The following SLC10A1 variants were observed in gnomAD, a reference collection of about 807,000 sequenced individuals.
SLC10A1 encodes solute carrier family 10 member 1.
In SLC10A1, 36 loss-of-function variants were observed where a neutral mutation model predicts 20.5. The ratio of observed to expected loss-of-function variants is 1.75; its 90% CI spans 1.34 to 2.32. SLC10A1 has a LOEUF of 2.32. Ranked by LOEUF, SLC10A1 falls within the 30% of genes most tolerant of loss-of-function variation. The pLI, the probability that SLC10A1 is intolerant of heterozygous loss-of-function variation, is 0.00. For missense variants in SLC10A1, 545 were observed against 439.1 expected (o/e 1.24, Z -2.16); for synonymous variants, 188 against 163.6 (o/e 1.15, Z -1.14).
chr14:69,778,244 C>G, intron 4 of SLC10A1, 89 bp downstream of exon 4: 1 of 1,147,148 alleles, frequency 8.7e-7, no homozygotes, highest in Non-Finnish European at 1.2e-6. Context: ...AAGCCCTATC[C>G]AAAAAGTCCC....
intron 3 of SLC10A1, 69 bp from the exon 4 acceptor site, chr14:69,778,598 G>T: frequency 1.5e-6 from 2 of 1,364,608 alleles, no homozygotes; most frequent in Non-Finnish European, 2.0e-6. Flanking sequence ...TCCCAGTGCT[G>T]CTACCAAAGA....
intron 2 of SLC10A1, among the ~76,000 whole-genome samples, chr14:69,784,241 A>G (rs929464844): frequency 5.3e-5 from 8 of 152,220 alleles, no homozygotes; most frequent in African/African-American, 1.9e-4. Context: ...AAAGCAGCAG[A>G]GCTTAGAGTC....
At position 69,779,338 on chromosome 14, in the gene SLC10A1, A is replaced by G; in HGVS notation, c.590T>C (p.Leu197Ser). 4 of 1,612,728 alleles carry G rather than the reference A, an allele frequency of 2.5e-6. No homozygotes were observed. In the South Asian group the frequency reaches 3.3e-5, roughly 13 times the overall value. ...GAGAACTGTGACGGCCACACTGCACAAGAGAATGATGATCATCCCTCCCTG... is the reference window on the plus strand; with the variant it reads ...GAGAACTGTGACGGCCACACTGCACGAGAGAATGATGATCATCCCTCCCTG... ...VIKGGMIIIL[L>S]CSVAVTVLSA... Residue 197 changes from leucine to serine, a missense_variant, in exon 3 of 5, where the codon TTG (leucine) becomes TCG (serine). Leu to Ser is a moderately radical substitution (Grantham distance 145, BLOSUM62 -2). Coordinates refer to ENST00000216540, the MANE Select transcript of SLC10A1 (RefSeq NM_003049.4).
intron 4 of SLC10A1, among the ~76,000 whole-genome samples, chr14:69,777,166 TG>T (rs1883465545): frequency 6.6e-6 from 1 of 152,210 alleles, no homozygotes; most frequent in Non-Finnish European, 1.5e-5. Context: ...GTGCACTTTT[TG>T]TAAGAGGGCA....
chr14:69,788,348 T>G (rs1490975566), intron 1 of SLC10A1, among the ~76,000 whole-genome samples: 1 of 151,884 alleles, frequency 6.6e-6, no homozygotes, highest in Non-Finnish European at 1.5e-5. Flanking sequence ...AGAGGGGACT[T>G]TGGATTAGGC....
At chr14:69,780,172 TAAC>T (rs1447575964) in intron 2 of SLC10A1, among the ~76,000 whole-genome samples, 9 of 152,226 alleles carry the variant, frequency 5.9e-5, no homozygotes, top group Non-Finnish European at 1.0e-4. Flanking sequence ...TCTTGGGTGA[TAAC>T]AACATCATTG....
chr14:69,782,410 C>G (rs1883613295), intron 2 of SLC10A1, among the ~76,000 whole-genome samples: 1 of 152,202 alleles, frequency 6.6e-6, no homozygotes, highest in South Asian at 2.1e-4. Flanking sequence ...TGAAATAATC[C>G]TGGCTCTGCC....
intron 1 of SLC10A1, among the ~76,000 whole-genome samples, chr14:69,793,609 G>A (rs1036030136): frequency 1.3e-5 from 2 of 152,164 alleles, no homozygotes; most frequent in African/African-American, 4.8e-5. Flanking sequence ...TGGGACCCCA[G>A]TGGCTTCCAT....
intron 1 of SLC10A1, among the ~76,000 whole-genome samples, chr14:69,795,023 A>G (rs1161184626): frequency 6.6e-6 from 1 of 152,200 alleles, no homozygotes; most frequent in African/African-American, 2.4e-5. Flanking sequence ...CCACAGAAAC[A>G]CAAAGCCCTC....
intron 2 of SLC10A1, among the ~76,000 whole-genome samples, chr14:69,782,846 TG>T (rs1417978153): frequency 6.6e-6 from 1 of 151,832 alleles, no homozygotes; most frequent in African/African-American, 2.4e-5. Context: ...TTCTGCTTTT[TG>T]CAACCTCAGA....
At chr14:69,778,285 G>A in intron 4 of SLC10A1, 48 bp downstream of exon 4, 5 of 1,482,296 alleles carry the variant, frequency 3.4e-6, no homozygotes, top group Non-Finnish European at 4.6e-6. Context: ...GCAGGCTCAG[G>A]TCTAATATTG....
intron 1 of SLC10A1, among the ~76,000 whole-genome samples, chr14:69,789,557 G>T (rs1424025519): frequency 2.0e-5 from 3 of 152,180 alleles, no homozygotes; most frequent in African/African-American, 7.2e-5. Flanking sequence ...GGGGACTCCT[G>T]CTAAATGGGA....
intron 1 of SLC10A1, among the ~76,000 whole-genome samples, chr14:69,794,469 C>A (rs1322541880): frequency 6.6e-6 from 1 of 152,196 alleles, no homozygotes; most frequent in Non-Finnish European, 1.5e-5. Context: ...AGTTTCCTTA[C>A]CTCTAAATGC....
At position 69,796,970 on chromosome 14, in the gene SLC10A1, G is replaced by T. The variant is rs778901974; in HGVS notation, c.186C>A (p.Ala62=). 1 of 1,614,258 alleles carries T rather than the reference G, an allele frequency of 6.2e-7. No individual in the cohort carries two copies. Among genetic ancestry groups the T allele is most frequent in the South Asian group, 1.1e-5 (1 of 91,082 alleles). The part of the protein sequence containing the change: ...KAHLWKPKGL[A]IALVAQYGIM... ...TGCCATACTGTGCCACCAGGGCGAT[G>T]GCCAGCCCTTTAGGCTTCCATAAGT... The change falls in exon 1 of 5, where the codon GCC becomes GCA. Residue 62 remains alanine, a synonymous_variant. Transcript: ENST00000216540.
chr14:69,776,225 A>G lies in SLC10A1; in HGVS notation c.*57T>C, dbSNP rs1273713423. 2 of 1,312,512 alleles carry G rather than the reference A, an allele frequency of 1.5e-6. No individual in the cohort carries two copies. Among genetic ancestry groups the G allele is most frequent in the Non-Finnish European group, 1.1e-6 (1 of 915,550 alleles). 81.3% of individuals were successfully genotyped at this position (1,312,512 alleles called of 1,614,324 possible). A position where few individuals can be genotyped will look rare whatever the true frequency, so the allele number is the denominator to read the frequency against. ...GTGTTTTTGCTGCTCTCTCTAGTTTACCACACTGGCTTTCAGAATTGCTTT... is the reference window on the plus strand; with the variant it reads ...GTGTTTTTGCTGCTCTCTCTAGTTTGCCACACTGGCTTTCAGAATTGCTTT... On this transcript the variant is annotated 3_prime_UTR_variant, in exon 5 of 5. Coordinates refer to ENST00000216540, the MANE Select transcript of SLC10A1 (RefSeq NM_003049.4).
intron 2 of SLC10A1, among the ~76,000 whole-genome samples, chr14:69,783,978 A>C (rs145051848): frequency 2.0e-4 from 30 of 152,156 alleles, no homozygotes; most frequent in African/African-American, 7.0e-4. Flanking sequence ...TTGAGTTTTA[A>C]ATGTCTGAGG....
intron 1 of SLC10A1, among the ~76,000 whole-genome samples, chr14:69,794,034 A>G (rs1446817630): frequency 1.8e-4 from 27 of 152,116 alleles, no homozygotes; most frequent in Admixed American, 1.1e-3. Flanking sequence ...AGGGAGACAC[A>G]GTTTCCCACA....
rs757581074 is a variant in SLC10A1, at chr14:69,778,447, C to G, written c.829G>C (p.Glu277Gln). ...AAGAAGAAAAGTGGTCCAATGACTT[C>G]AGGTGGAAAGGCCACATTGAGGATG... is the stretch of plus-strand genomic sequence containing the variant. ...STILNVAFPP[E>Q]VIGPLFFFPL... The change falls in exon 4 of 5, where the codon GAA becomes CAA. Residue 277 changes from glutamate (E) to glutamine (Q), a missense_variant. Transcript: ENST00000216540. The G allele has an allele frequency of 1.9e-6, 3 of 1,614,070 alleles. No individual in the cohort carries two copies. Among genetic ancestry groups the G allele is most frequent in the Non-Finnish European group, 2.5e-6 (3 of 1,180,004 alleles).
At chr14:69,793,526 T>C (rs182033481) in intron 1 of SLC10A1, among the ~76,000 whole-genome samples, 243 of 152,300 alleles carry the variant, frequency 1.6e-3, no homozygotes, top group Non-Finnish European at 2.0e-3. Context: ...TGTCCGTCAA[T>C]GCACAGATTG....
Sources: gnomAD v4.1 joint callset for allele counts (sites outside exome capture counted in the v4.1 genomes callset) on GRCh38, gnomAD v4.1.1 for gene constraint, MANE v1.5 for transcripts, NCBI Gene and HGNC (gene_info 2026-07-23, HGNC 2026-07-21) for gene names.